Variants in PTPRR observed in about 807,000 individuals in gnomAD.
The protein encoded by PTPRR is protein tyrosine phosphatase receptor type R.
Under a neutral mutation model 77.2 loss-of-function variants are expected in PTPRR, and 38 were observed. The observed-to-expected ratio is 0.49, with a 90% CI of 0.38 to 0.65. The LOEUF (loss-of-function observed/expected upper bound fraction) is 0.65. Among genes scored for constraint, PTPRR ranks in the 30% least tolerant of loss-of-function variants. The pLI, the probability that PTPRR is intolerant of heterozygous loss-of-function variation, is 0.00. For synonymous variants in PTPRR, 299 were observed against 283.1 expected (o/e 1.06, Z -0.57); for missense variants, 744 against 799.2 (o/e 0.93, Z 0.83).
intron 10 of PTPRR, among the ~76,000 whole-genome samples, chr12:70,668,012 A>G (rs995061501): frequency 1.1e-4 from 16 of 152,142 alleles, no homozygotes; most frequent in Admixed American, 4.6e-4. Flanking sequence ...AAACAGATTC[A>G]ACGTTTTTTT....
At chr12:70,744,350 G>T (rs1478608589) in intron 6 of PTPRR, among the ~76,000 whole-genome samples, 2 of 152,124 alleles carry the variant, frequency 1.3e-5, no homozygotes, top group Admixed American at 6.6e-5. Flanking sequence ...GCAATTTAGT[G>T]ATATCTACGT....
At chr12:70,657,915 A>G (rs543077330) in intron 12 of PTPRR, among the ~76,000 whole-genome samples, 1 of 152,272 alleles carries the variant, frequency 6.6e-6, no homozygotes, top group South Asian at 2.1e-4. Context: ...CAGTGATCTC[A>G]TTATAGTTTC....
chr12:70,730,447 G>C (rs922779548), intron 6 of PTPRR, among the ~76,000 whole-genome samples: 1 of 152,082 alleles, frequency 6.6e-6, no homozygotes, highest in Non-Finnish European at 1.5e-5. Context: ...GGAGGAGGAG[G>C]TTGCAGTGAG....
chr12:70,678,160 C>A (rs1193490209), intron 10 of PTPRR, among the ~76,000 whole-genome samples: 1 of 152,194 alleles, frequency 6.6e-6, no homozygotes, highest in African/African-American at 2.4e-5. Flanking sequence ...CCTGCCTCAG[C>A]TTCCCAGGTA....
At chr12:70,779,814 G>A (rs767173263) in intron 2 of PTPRR, among the ~76,000 whole-genome samples, 7 of 152,088 alleles carry the variant, frequency 4.6e-5, no homozygotes, top group East Asian at 1.9e-4. Context: ...CCCAGGCCTC[G>A]TGCTTGAGGA....
chr12:70,679,732 A>G (rs768567291), intron 10 of PTPRR, among the ~76,000 whole-genome samples: 1 of 151,984 alleles, frequency 6.6e-6, no homozygotes, highest in African/African-American at 2.4e-5. Context: ...TTCCATTTGC[A>G]AGTGATATCA....
chr12:70,756,132 ATT>A, intron 4 of PTPRR, among the ~76,000 whole-genome samples: 1 of 151,150 alleles, frequency 6.6e-6, no homozygotes, highest in East Asian at 1.9e-4. Context: ...GATTTGGTTC[ATT>A]TTTTTTTCTT....
intron 2 of PTPRR, among the ~76,000 whole-genome samples, chr12:70,779,000 C>T (rs1891146571): frequency 6.6e-6 from 1 of 152,088 alleles, no homozygotes; most frequent in Admixed American, 6.6e-5. Context: ...CATGCACCAC[C>T]ACACCCAGCT....
intron 10 of PTPRR, chr12:70,672,533 T>A: frequency 1.5e-6 from 2 of 1,300,800 alleles, no homozygotes; most frequent in Non-Finnish European, 2.2e-6. Context: ...AAACAGTGGC[T>A]GCTGGGAAAA....
Position 70,893,037 on chromosome 12 carries a change from A to G in PTPRR, c.59-60T>C, listed in dbSNP as rs144502849. On this transcript the variant is annotated intron_variant, in intron 1 of 13. Transcript: ENST00000283228. The stretch of plus-strand genomic sequence containing the variant: ...ACCCTATTCAGTAAGAGAGGTAGAT[A>G]TATCTGATGAAGAGGATTACCCTTT... 31 of 1,523,394 alleles carry G rather than the reference A, an allele frequency of 2.0e-5. No homozygotes were observed. In the African/African-American group the frequency reaches 3.3e-4, roughly 16 times the overall value. 94.4% of individuals were successfully genotyped at this position (1,523,394 alleles called of 1,614,324 possible). A position where few individuals can be genotyped will look rare whatever the true frequency, so the allele number is the denominator to read the frequency against.
chr12:70,815,199 C>T (rs1211905781), intron 2 of PTPRR, among the ~76,000 whole-genome samples: 1 of 147,246 alleles, frequency 6.8e-6, no homozygotes, highest in African/African-American at 2.5e-5. Context: ...ATAAAAAATG[C>T]AGGGGACAGG....
chr12:70,787,641 C>A (rs781444105), intron 2 of PTPRR, among the ~76,000 whole-genome samples: 5 of 152,094 alleles, frequency 3.3e-5, no homozygotes, highest in Admixed American at 6.6e-5. Context: ...CTTGCCAAGC[C>A]ATCATTTGGC....
intron 2 of PTPRR, among the ~76,000 whole-genome samples, chr12:70,797,920 T>G (rs905256770): frequency 6.6e-6 from 1 of 152,218 alleles, no homozygotes; most frequent in African/African-American, 2.4e-5. Context: ...CTAGGAAATT[T>G]TATTCAGTCC....
intron 2 of PTPRR, among the ~76,000 whole-genome samples, chr12:70,881,926 G>A (rs1409260030): frequency 6.6e-6 from 1 of 152,154 alleles, no homozygotes; most frequent in Non-Finnish European, 1.5e-5. Flanking sequence ...ATTAAAGGGT[G>A]GAGAGTTGAA....
intron 5 of PTPRR, 54 bp from the exon 6 acceptor site, chr12:70,746,140 GTA>G: frequency 6.6e-7 from 1 of 1,519,926 alleles, no homozygotes; most frequent in Non-Finnish European, 8.9e-7. Context: ...CTAAACAAGA[GTA>G]TGATCTCCTC....
At chr12:70,853,058 C>T (rs561525762) in intron 2 of PTPRR, among the ~76,000 whole-genome samples, 1 of 152,304 alleles carries the variant, frequency 6.6e-6, no homozygotes, top group South Asian at 2.1e-4. Flanking sequence ...ATTTATTCCT[C>T]ACTACAATCC....
chr12:70,642,675 G>T (rs1270426632), intron 13 of PTPRR, among the ~76,000 whole-genome samples: 1 of 152,100 alleles, frequency 6.6e-6, no homozygotes, highest in Non-Finnish European at 1.5e-5. Flanking sequence ...GTAAATACTT[G>T]TCAAATGAAT....
At chr12:70,877,433 C>A (rs1893070161) in intron 2 of PTPRR, among the ~76,000 whole-genome samples, 1 of 152,148 alleles carries the variant, frequency 6.6e-6, no homozygotes, top group Non-Finnish European at 1.5e-5. Context: ...CTTTACAGAA[C>A]ACATTTACTG....
chr12:70,885,118 C>T (rs997814972), intron 2 of PTPRR, among the ~76,000 whole-genome samples: 6 of 151,992 alleles, frequency 3.9e-5, no homozygotes, highest in Non-Finnish European at 8.8e-5. Flanking sequence ...TCCTATATTA[C>T]AATTATATGA....
Sources: allele counts gnomAD v4.1 joint callset (sites outside exome capture counted in the v4.1 genomes callset), GRCh38; gene constraint gnomAD v4.1.1; transcripts MANE v1.5; gene names NCBI Gene and HGNC (gene_info 2026-07-23, HGNC 2026-07-21).